CRYL1: variants seen among roughly 807,000 people sequenced by gnomAD.
CRYL1 encodes crystallin lambda 1, also known as lambda-crystallin homolog.
CRYL1 carries 29 observed loss-of-function variants against 36.6 expected under a neutral mutation model. The observed-to-expected ratio is 0.79, with a 90% CI of 0.59 to 1.08. The LOEUF (loss-of-function observed/expected upper bound fraction) is 1.08, where lower values mean the gene tolerates loss of function less well. Among genes scored for constraint, CRYL1 ranks in the 50% least tolerant of loss-of-function variants. CRYL1 has a pLI of 0.00. For missense variants in CRYL1, 411 were observed against 407.9 expected (o/e 1.01, Z -0.06); for synonymous variants, 152 against 151.5 (o/e 1.00, Z -0.02).
chr13:20,460,436 T>G (rs1438020020), intron 3 of CRYL1, among the ~76,000 whole-genome samples: 1 of 151,374 alleles, frequency 6.6e-6, no homozygotes, highest in Non-Finnish European at 1.5e-5. Context: ...GAATATCCAC[T>G]TCACCACAGC....
intron 4 of CRYL1, among the ~76,000 whole-genome samples, chr13:20,437,377 G>T (rs562138993): frequency 1.3e-5 from 2 of 149,986 alleles, no homozygotes; most frequent in Admixed American, 6.7e-5. Flanking sequence ...GCGCGATCTC[G>T]GCTCACTGCA....
chr13:20,420,504 G>A (rs1281695142), intron 5 of CRYL1, among the ~76,000 whole-genome samples: 1 of 126,558 alleles, frequency 7.9e-6, no homozygotes, highest in Non-Finnish European at 1.7e-5. Context: ...CCGCAGTAAG[G>A]GAAAGATTGG....
At chr13:20,448,043 T>C (rs1371918536) in intron 3 of CRYL1, among the ~76,000 whole-genome samples, 2 of 152,166 alleles carry the variant, frequency 1.3e-5, no homozygotes, top group Non-Finnish European at 2.9e-5. Context: ...AAATTTAAAA[T>C]AGCTATGATT....
intron 5 of CRYL1, among the ~76,000 whole-genome samples, chr13:20,422,042 T>C (rs776124603): frequency 5.3e-5 from 8 of 151,950 alleles, no homozygotes; most frequent in Non-Finnish European, 8.8e-5. Flanking sequence ...CTACTTCTTA[T>C]GGAAAATTGC....
At chr13:20,410,590 C>T (rs2031493789) in intron 6 of CRYL1, among the ~76,000 whole-genome samples, 1 of 152,104 alleles carries the variant, frequency 6.6e-6, no homozygotes, top group South Asian at 2.1e-4. Flanking sequence ...TCTCTCTGCA[C>T]TTGTGAATCT....
At chr13:20,430,365 A>AC (rs2137387603) in intron 5 of CRYL1, 1 of 985,342 alleles carries the variant, frequency 1.0e-6, no homozygotes, top group East Asian at 1.1e-4. Context: ...ACAGCAGCCA[A>AC]CACAGAGACA....
intron 3 of CRYL1, among the ~76,000 whole-genome samples, chr13:20,460,555 T>C (rs886704280): frequency 8.2e-6 from 1 of 121,454 alleles, no homozygotes. Context: ...AGACGGAGTC[T>C]CGCTCTGTCG....
intron 6 of CRYL1, among the ~76,000 whole-genome samples, chr13:20,410,415 G>A (rs888579775): frequency 3.9e-4 from 58 of 148,762 alleles, no homozygotes; most frequent in African/African-American, 1.4e-3. Flanking sequence ...GATAGCATTG[G>A]GAGATATACC....
chr13:20,470,024 C>T (rs569248959), intron 3 of CRYL1, among the ~76,000 whole-genome samples: 2 of 152,320 alleles, frequency 1.3e-5, no homozygotes, highest in South Asian at 4.1e-4. Context: ...AGAAGACTAT[C>T]GACAGTGCGA....
At chr13:20,404,343 T>A in intron 7 of CRYL1, 101 bp from the exon 8 acceptor site, 1 of 793,208 alleles carries the variant, frequency 1.3e-6, no homozygotes, top group Non-Finnish European at 2.1e-6. Context: ...GAAACTGCTT[T>A]CAAAGACAAA....
At chr13:20,442,990 G>C (rs913403092) in intron 3 of CRYL1, among the ~76,000 whole-genome samples, 3 of 152,226 alleles carry the variant, frequency 2.0e-5, no homozygotes, top group African/African-American at 7.2e-5. Context: ...AGTATCAGCA[G>C]CTGACAGGTG....
In CRYL1 at chr13:20,525,812, G is replaced by A; in HGVS notation, c.-18C>T. 8.1e-7 allele frequency: 1 copy of A among 1,230,854 alleles called. No individual in the cohort carries two copies. Among genetic ancestry groups the A allele is most frequent in the South Asian group, 3.5e-5 (1 of 28,512 alleles). 76.2% of individuals were successfully genotyped at this position (1,230,854 alleles called of 1,614,324 possible). A position where few individuals can be genotyped will look rare whatever the true frequency, so the allele number is the denominator to read the frequency against. Reference sequence around the variant, plus strand: ...GACGCCATGGTTGGGCCGGGGACGCGGCGCCGCGGGCGCTGGGACCAGGCG... The same window carrying A: ...GACGCCATGGTTGGGCCGGGGACGCAGCGCCGCGGGCGCTGGGACCAGGCG... On this transcript the variant is annotated 5_prime_UTR_variant, in exon 1 of 8. Transcript: ENST00000298248. The surrounding 1 kb of genome is among the most constrained non-coding windows in gnomAD (Gnocchi z 4.3).
At chr13:20,447,058 AG>A (rs1193170731) in intron 3 of CRYL1, among the ~76,000 whole-genome samples, 4 of 152,236 alleles carry the variant, frequency 2.6e-5, no homozygotes, top group Admixed American at 1.3e-4. Flanking sequence ...AGCTGCACAC[AG>A]ATTAACAGAA....
chr13:20,420,775 G>A (rs1325923462), intron 5 of CRYL1, among the ~76,000 whole-genome samples: 12 of 140,166 alleles, frequency 8.6e-5, no homozygotes, highest in East Asian at 2.2e-4. Flanking sequence ...TCACTCTGTC[G>A]CCCAGGCTGG....
At chr13:20,406,509 C>T (rs1186063478) in intron 6 of CRYL1, among the ~76,000 whole-genome samples, 1 of 152,140 alleles carries the variant, frequency 6.6e-6, no homozygotes, top group African/African-American at 2.4e-5. Context: ...TCTCATTTAA[C>T]CTAAGTGTTA....
chr13:20,433,213 A>C (rs1338659148), intron 4 of CRYL1, among the ~76,000 whole-genome samples: 1 of 152,162 alleles, frequency 6.6e-6, no homozygotes, highest in Non-Finnish European at 1.5e-5. Flanking sequence ...GCATGCCCCA[A>C]GGGAGGACCC....
chr13:20,462,860 T>C (rs1298290614), intron 3 of CRYL1, among the ~76,000 whole-genome samples: 7 of 152,118 alleles, frequency 4.6e-5, no homozygotes, highest in Non-Finnish European at 1.0e-4. Context: ...CAGGCAAAAC[T>C]GTTGGCATAA....
intron 6 of CRYL1, among the ~76,000 whole-genome samples, chr13:20,410,843 C>T (rs910166261): frequency 2.6e-5 from 4 of 152,268 alleles, no homozygotes; most frequent in African/African-American, 7.2e-5. Context: ...AAGTCATTTG[C>T]CCAAGGTTAT....
chr13:20,414,641 T>A (rs2137368350), intron 5 of CRYL1, among the ~76,000 whole-genome samples: 1 of 152,314 alleles, frequency 6.6e-6, no homozygotes, highest in Admixed American at 6.5e-5. Context: ...ATGGGTTTGT[T>A]TGCTAAGGTG....
Sources: allele counts gnomAD v4.1 joint callset (sites outside exome capture counted in the v4.1 genomes callset), GRCh38; gene constraint gnomAD v4.1.1; non-coding constraint Gnocchi (gnomAD v3.1); transcripts MANE v1.5; gene names NCBI Gene and HGNC (gene_info 2026-07-23, HGNC 2026-07-21).